Variants in PDE10A observed in about 807,000 individuals in gnomAD.
PDE10A encodes cAMP and cAMP-inhibited cGMP 3',5'-cyclic phosphodiesterase 10A.
Under a neutral mutation model 97.7 loss-of-function variants are expected in PDE10A, and 39 were observed. The observed-to-expected ratio is 0.40, with a 90% confidence interval of 0.31 to 0.52. The LOEUF is 0.52. Among genes scored for constraint, PDE10A ranks in the 20% least tolerant of loss-of-function variants. The probability of loss-of-function intolerance (pLI) is 0.56; values close to 1 mark genes in which losing one functional copy is unlikely to be tolerated. For synonymous variants in PDE10A, 371 were observed against 376.8 expected (o/e 0.98, Z 0.18); for missense variants, 731 against 1,047.8 (o/e 0.70, Z 4.17).
intron 13 of PDE10A, among the ~76,000 whole-genome samples, chr6:165,398,110 G>A (rs1786320999): frequency 6.6e-6 from 1 of 152,240 alleles, no homozygotes; most frequent in East Asian, 1.9e-4. Context: ...TGGAGATAAT[G>A]ATCTAAGGGA....
At chr6:165,435,458 A>G (rs1789941125) in intron 5 of PDE10A, 81 bp from the exon 6 acceptor site, 1 of 1,178,400 alleles carries the variant, frequency 8.5e-7, no homozygotes, top group South Asian at 2.0e-5. Flanking sequence ...CCTAACAGTC[A>G]TAATAAATCT....
Position 165,416,325 on chromosome 6 carries a change from T to G in PDE10A, c.1797-44A>C, listed in dbSNP as rs113965509. 8,890 of 1,187,482 alleles carry G rather than the reference T, an allele frequency of 7.5e-3. 370 individuals carry two copies. The South Asian group carries it at 0.082, about 11-fold the overall frequency. The allele number at this position is 1,187,482 out of a possible 1,614,324, so 73.6% of individuals were successfully genotyped here. A position where few individuals can be genotyped will look rare whatever the true frequency, so the allele number is the denominator to read the frequency against. ...AGGACATGCTAATTAAAATATGGAC[T>G]CTGTAGAATAATTCAAAAATATTCC... On this transcript the variant is annotated intron_variant, in intron 11 of 21. Transcript: ENST00000539869.
chr6:165,371,702 A>C (rs1237021972), intron 18 of PDE10A, among the ~76,000 whole-genome samples: 1 of 152,102 alleles, frequency 6.6e-6, no homozygotes, highest in African/African-American at 2.4e-5. Flanking sequence ...ATAGAAAAAG[A>C]GGGAATCCTC....
chr6:165,820,402 T>C (rs1779535641), intron 1 of PDE10A, among the ~76,000 whole-genome samples: 1 of 152,364 alleles, frequency 6.6e-6, no homozygotes, highest in Admixed American at 6.5e-5. Flanking sequence ...GTAATTTGTT[T>C]CCTCTCCTTT....
At chr6:165,771,594 C>T (rs531303654) in intron 1 of PDE10A, among the ~76,000 whole-genome samples, 1 of 148,286 alleles carries the variant, frequency 6.7e-6, no homozygotes, top group South Asian at 2.1e-4. Context: ...GCAAAAATGG[C>T]CAGAAAAATC....
chr6:165,986,539 C>CTT (rs1285782386), intron 1 of PDE10A: 1 of 151,938 alleles, frequency 6.6e-6, no homozygotes, highest in African/African-American at 2.4e-5. Context: ...CTCTCTCTCT[C>CTT]TCTCTGCCTC....
intron 1 of PDE10A, among the ~76,000 whole-genome samples, chr6:165,742,193 A>G (rs1345033494): frequency 1.3e-5 from 2 of 152,202 alleles, no homozygotes; most frequent in African/African-American, 4.8e-5. Flanking sequence ...AAATTAAACT[A>G]GTCTGTGCGC....
intron 17 of PDE10A, among the ~76,000 whole-genome samples, chr6:165,385,347 C>A (rs747724053): frequency 3.3e-5 from 5 of 151,994 alleles, no homozygotes; most frequent in Non-Finnish European, 5.9e-5. Flanking sequence ...ATACTGAATA[C>A]AGGGTTCAAC....
intron 1 of PDE10A, among the ~76,000 whole-genome samples, chr6:165,824,886 T>G (rs1228844963): frequency 2.7e-5 from 4 of 150,834 alleles, no homozygotes; most frequent in African/African-American, 9.8e-5. Context: ...TCCCAGCACT[T>G]TGGGAGGCCG....
At chr6:165,704,002 T>C (rs2128444344) in intron 1 of PDE10A, among the ~76,000 whole-genome samples, 1 of 152,318 alleles carries the variant, frequency 6.6e-6, no homozygotes, top group Admixed American at 6.5e-5. Context: ...CCACACGTTT[T>C]TCAAGGCTGC....
At chr6:165,345,362 A>G (rs1012627179) in intron 18 of PDE10A, among the ~76,000 whole-genome samples, 1 of 152,250 alleles carries the variant, frequency 6.6e-6, no homozygotes, top group Non-Finnish European at 1.5e-5. Flanking sequence ...TAGACAAAGC[A>G]CAAAAAATAA....
chr6:165,446,739 G>C (rs1790874122), intron 5 of PDE10A, among the ~76,000 whole-genome samples: 1 of 152,126 alleles, frequency 6.6e-6, no homozygotes, highest in African/African-American at 2.4e-5. Context: ...GAAGCTCAGA[G>C]ACAGCTACAA....
intron 1 of PDE10A, among the ~76,000 whole-genome samples, chr6:165,837,684 T>TG (rs1562761301): frequency 4.4e-5 from 5 of 113,856 alleles, no homozygotes; most frequent in African/African-American, 1.2e-4. Context: ...TTTTTTTTTT[T>TG]TGGGGCAGGA....
chr6:165,769,183 C>T (rs926872619), intron 1 of PDE10A, among the ~76,000 whole-genome samples: 2 of 152,178 alleles, frequency 1.3e-5, no homozygotes, highest in African/African-American at 4.8e-5. Context: ...GAACAGTGGT[C>T]ATTAGCCACA....
chr6:165,750,932 C>T (rs114257262), intron 1 of PDE10A, among the ~76,000 whole-genome samples: 1,953 of 152,266 alleles, frequency 0.013, 41 homozygotes, highest in African/African-American at 0.039. Context: ...TTGGCAGGAG[C>T]GGGATGCTGA....
intron 1 of PDE10A, among the ~76,000 whole-genome samples, chr6:165,687,457 A>G (rs1300565834): frequency 6.6e-6 from 1 of 152,236 alleles, no homozygotes; most frequent in Non-Finnish European, 1.5e-5. Context: ...GCTCTGAACT[A>G]TCACCCCATC....
At chr6:165,511,590 A>G (rs1213170846) in intron 2 of PDE10A, among the ~76,000 whole-genome samples, 1 of 151,942 alleles carries the variant, frequency 6.6e-6, no homozygotes, top group East Asian at 1.9e-4. Context: ...TAGAGGATCT[A>G]ATGCTGACTT....
intron 2 of PDE10A, among the ~76,000 whole-genome samples, chr6:165,489,318 T>C (rs1488636280): frequency 4.6e-5 from 7 of 152,310 alleles, no homozygotes; most frequent in Non-Finnish European, 1.0e-4. Flanking sequence ...CTGGTAGTTC[T>C]GCTGTGTGGT....
intron 1 of PDE10A, among the ~76,000 whole-genome samples, chr6:165,800,582 A>G (rs1778956315): frequency 2.0e-5 from 3 of 152,166 alleles, no homozygotes; most frequent in Admixed American, 2.0e-4. Flanking sequence ...AGACCTACAG[A>G]GCCTGAGGGC....
Sources: allele counts gnomAD v4.1 joint callset (sites outside exome capture counted in the v4.1 genomes callset), GRCh38; gene constraint gnomAD v4.1.1; transcripts MANE v1.5; gene names NCBI Gene and HGNC (gene_info 2026-07-23, HGNC 2026-07-21).